GPR107: variants seen among roughly 807,000 people sequenced by gnomAD.
The protein encoded by GPR107 is protein GPR107.
Under a neutral mutation model 75.5 loss-of-function variants are expected in GPR107, and 31 were observed. That is an observed-to-expected ratio of 0.41 (90% confidence interval 0.31 to 0.55). GPR107 has a LOEUF of 0.55. Among genes scored for constraint, GPR107 ranks in the 20% least tolerant of loss-of-function variants. GPR107 has a pLI of 0.26. For synonymous variants in GPR107, 267 were observed against 251.3 expected (o/e 1.06, Z -0.59); for missense variants, 572 against 665.7 (o/e 0.86, Z 1.55).
intron 14 of GPR107, chr9:130,114,562 T>C (rs1482096373): frequency 4.5e-6 from 2 of 442,218 alleles, no homozygotes; most frequent in Non-Finnish European, 8.9e-6. Context: ...TTTAAAATTT[T>C]TTTTGTGGAG....
At chr9:130,124,331 C>T (rs906890061) in intron 14 of GPR107, among the ~76,000 whole-genome samples, 5 of 152,148 alleles carry the variant, frequency 3.3e-5, no homozygotes, top group Admixed American at 2.6e-4. Context: ...GCTGTCCTGG[C>T]TCAGCTGACC....
chr9:130,107,759 G>A (rs920477118), intron 14 of GPR107, among the ~76,000 whole-genome samples: 8 of 152,280 alleles, frequency 5.3e-5, no homozygotes, highest in Non-Finnish European at 8.8e-5. Context: ...GGTGACTGCT[G>A]CTTATTAAGA....
intron 1 of GPR107, among the ~76,000 whole-genome samples, chr9:130,074,393 C>T (rs1415656232): frequency 2.0e-5 from 3 of 152,166 alleles, no homozygotes; most frequent in African/African-American, 7.2e-5. Context: ...CCCTTCACAC[C>T]AAGAATCAAA....
intron 2 of GPR107, 26 bp downstream of exon 2, chr9:130,075,775 G>T: frequency 8.9e-7 from 1 of 1,121,588 alleles, no homozygotes; most frequent in Non-Finnish European, 1.3e-6. Flanking sequence ...TGAGATCCAG[G>T]GGTTTACTCT....
At position 130,135,850 on chromosome 9, in the gene GPR107, T is replaced by C. The variant is rs1364776093; in HGVS notation, c.*729T>C. The stretch of plus-strand genomic sequence containing the variant: ...AGGTGGTGGGAGGTGGTTTTCTGAC[T>C]GAGATGTTGCCTGATGGATGGAAAG... On this transcript the variant is annotated 3_prime_UTR_variant, in exon 18 of 18. Coordinates refer to ENST00000347136, the MANE Select transcript of GPR107 (RefSeq NM_020960.5). The C allele has an allele frequency of 6.6e-6, 1 of 152,228 alleles. No homozygotes were observed. Among genetic ancestry groups the C allele is most frequent in the African/African-American group, 2.4e-5 (1 of 41,442 alleles). The allele number at this position is 152,228 out of a possible 1,614,324, so 9.4% of individuals were successfully genotyped here.
intron 9 of GPR107, among the ~76,000 whole-genome samples, chr9:130,095,279 G>A (rs1443298099): frequency 2.6e-5 from 4 of 152,110 alleles, no homozygotes; most frequent in African/African-American, 7.2e-5. Flanking sequence ...CAAACATGAG[G>A]TGTTTATAAA....
Position 130,058,312 on chromosome 9 carries a change from G to A in GPR107, c.141+4239G>A, listed in dbSNP as rs147427777. Among the ~76,000 whole-genome samples the A allele has an allele frequency of 5.3e-3, 807 of 152,160 alleles. 8 individuals are homozygous for A. The highest frequency in any genetic ancestry group is 0.018 in the African/African-American group (767 of 41,510). On this transcript the variant is annotated intron_variant, in intron 1 of 17. Coordinates refer to ENST00000347136, the MANE Select transcript of GPR107 (RefSeq NM_020960.5). ...TATGACCACAATCTAGCCACAGAAC[G>A]TTTCTGTCACCCCATAAGATCCCTT...
intron 4 of GPR107, among the ~76,000 whole-genome samples, chr9:130,078,393 T>C (rs376275054): frequency 1.8e-4 from 28 of 152,082 alleles, no homozygotes; most frequent in African/African-American, 6.5e-4. Flanking sequence ...AAAAAAAAAA[T>C]GCTTTGTCAT....
In GPR107 at chr9:130,128,724, C is replaced by G; in HGVS notation, c.1525C>G (p.Leu509Val). ...GGCTTCAGATAACCCCTACCTACAA[C>G]TTTCTCAGGAAGAAGAAGACTTGGA... ...RPASDNPYLQ[L>V]SQEEEDLEME... The change falls in exon 17 of 18, where the codon CTT (leucine) becomes GTT (valine). Residue 509 changes from leucine (L) to valine (V), a missense_variant. Leu to Val is a conservative substitution (Grantham distance 32). Coordinates refer to ENST00000347136, the MANE Select transcript of GPR107 (RefSeq NM_020960.5). 6.2e-7 allele frequency: 1 copy of G among 1,613,122 alleles called. No homozygotes were observed. The highest frequency in any genetic ancestry group is 8.5e-7 in the Non-Finnish European group (1 of 1,179,034).
chr9:130,079,631 G>T lies in GPR107; in HGVS notation c.388G>T (p.Val130Leu). ...LLILDISRSE[V>L]RVKSPPEAGT... ...TCCTTCTGTCTTATTTGAATGTAGG[G>T]TAAGAGTAAAGTCTCCACCAGAAGC... Residue 130 changes from valine (V) to leucine (L), a missense_variant and splice_region_variant, in exon 5 of 18, where the codon GTA becomes TTA. Val to Leu is a conservative substitution (Grantham distance 32, BLOSUM62 1). Transcript: ENST00000347136. The T allele has an allele frequency of 6.2e-7, 1 of 1,612,978 alleles. No individual in the cohort carries two copies. Among genetic ancestry groups the T allele is most frequent in the East Asian group, 2.2e-5 (1 of 44,872 alleles).
chr9:130,060,514 G>A (rs766202139), intron 1 of GPR107, among the ~76,000 whole-genome samples: 2 of 150,842 alleles, frequency 1.3e-5, no homozygotes, highest in African/African-American at 2.4e-5. Flanking sequence ...CCAACTCCTG[G>A]GCTCAAGCCA....
intron 16 of GPR107, 97 bp downstream of exon 16, chr9:130,127,663 A>T (rs1831719914): frequency 7.3e-6 from 5 of 686,850 alleles, no homozygotes; most frequent in Middle Eastern, 2.5e-4. Flanking sequence ...TCTGGGAATG[A>T]CCACTAAGAC....
chr9:130,113,910 T>G (rs557289048), intron 14 of GPR107, among the ~76,000 whole-genome samples: 1 of 152,218 alleles, frequency 6.6e-6, no homozygotes, highest in Admixed American at 6.5e-5. Flanking sequence ...TCATATATTT[T>G]CACCAAATAC....
chr9:130,062,859 T>G (rs1829965837), intron 1 of GPR107, among the ~76,000 whole-genome samples: 1 of 152,080 alleles, frequency 6.6e-6, no homozygotes, highest in Admixed American at 6.6e-5. Context: ...TAGTAGCTAG[T>G]ACTACAGGTG....
At position 130,053,947 on chromosome 9, in the gene GPR107, G is replaced by T; in HGVS notation, c.15G>T (p.Ala5=). The T allele has an allele frequency of 6.4e-7, 1 of 1,556,448 alleles. No homozygotes were observed. The highest frequency in any genetic ancestry group is 1.4e-5 in the African/African-American group (1 of 73,492). Residue 5 remains alanine (A), a synonymous_variant, in exon 1 of 18, where the codon GCG becomes GCT. Coordinates refer to ENST00000347136, the MANE Select transcript of GPR107 (RefSeq NM_020960.5). ...CTGGAACAAACATGGCCGCTCTGGCGCCCGTCGGCTCCCCCGCCTCCCGCG... is the reference window on the plus strand; with the variant it reads ...CTGGAACAAACATGGCCGCTCTGGCTCCCGTCGGCTCCCCCGCCTCCCGCG... The part of the protein sequence containing the change: MAAL[A]PVGSPASRGP...
At chr9:130,131,504 G>A (rs1831826991) in intron 17 of GPR107, among the ~76,000 whole-genome samples, 2 of 152,060 alleles carry the variant, frequency 1.3e-5, no homozygotes, top group Middle Eastern at 3.4e-3. Flanking sequence ...CCTTACTCCC[G>A]TTCTCCCTCT....
chr9:130,125,978 C>A (rs1831668499), intron 15 of GPR107, among the ~76,000 whole-genome samples: 1 of 150,876 alleles, frequency 6.6e-6, no homozygotes, highest in Admixed American at 6.6e-5. Flanking sequence ...TCGCTTGAAC[C>A]CAGGAGGCTG....
intron 14 of GPR107, among the ~76,000 whole-genome samples, chr9:130,113,020 G>A (rs541872351): frequency 6.6e-6 from 1 of 152,108 alleles, no homozygotes. Flanking sequence ...AGAGTACTGA[G>A]ATAACAGGCA....
rs367699301 is a variant in GPR107 at position 130,104,561 on chromosome 9, C to G, written c.1262+11C>G. ...CTTCCCAGTGGTGTGGTGAGTAGCT[C>G]ACAGGGAGGGAGGCCACATGACAGC... On this transcript the variant is annotated intron_variant, in intron 13 of 17. Transcript: ENST00000347136. The G allele has an allele frequency of 7.4e-6, 12 of 1,612,032 alleles. No homozygotes were observed. Among genetic ancestry groups the G allele is most frequent in the Admixed American group, 1.7e-5 (1 of 59,986 alleles).
Sources: allele counts gnomAD v4.1 joint callset (sites outside exome capture counted in the v4.1 genomes callset), GRCh38; gene constraint gnomAD v4.1.1; transcripts MANE v1.5; gene names NCBI Gene and HGNC (gene_info 2026-07-23, HGNC 2026-07-21).